Variants in LARGE1 observed in about 807,000 individuals in gnomAD.
The protein encoded by LARGE1 is xylosyl- and glucuronyltransferase LARGE1.
In LARGE1, 43 loss-of-function variants were observed where a neutral mutation model predicts 87.6. The ratio of observed to expected loss-of-function variants is 0.49; its 90% CI spans 0.38 to 0.63. The LOEUF is 0.63. LARGE1 is among the 30% of genes least tolerant of loss of function. LARGE1 has a pLI of 0.00. For synonymous variants in LARGE1, 434 were observed against 394.6 expected (o/e 1.10, Z -1.18); for missense variants, 802 against 1,000.2 (o/e 0.80, Z 2.67).
In LARGE1 at chr22:33,803,852, A is replaced by G. The variant is rs529140086; in HGVS notation, c.-82-42294T>C. 1.5e-4 allele frequency among the ~76,000 whole-genome samples: 23 copies of G among 152,212 alleles called. 1 individual carries two copies. Among genetic ancestry groups the G allele is most frequent in the Admixed American group, 2.6e-4 (4 of 15,288 alleles). Reference sequence around the variant, plus strand: ...TTGTAGACTCCCAGAAGGAAAACAGATGTTCAGAATAAACTATATTGTTTG... The same window carrying G: ...TTGTAGACTCCCAGAAGGAAAACAGGTGTTCAGAATAAACTATATTGTTTG... On this transcript the variant is annotated intron_variant, in intron 1 of 14. Transcript: ENST00000397394.
intron 9 of LARGE1, among the ~76,000 whole-genome samples, chr22:33,348,313 T>A (rs1940012772): frequency 8.7e-6 from 1 of 115,178 alleles, no homozygotes. Context: ...TAGGCAGAGA[T>A]CAAGAGTGCT....
At chr22:33,455,784 C>T (rs1442615747) in intron 6 of LARGE1, among the ~76,000 whole-genome samples, 2 of 134,342 alleles carry the variant, frequency 1.5e-5, no homozygotes, top group African/African-American at 5.6e-5. Context: ...AAAAAAATTG[C>T]TATTGGTTTA....
At chr22:33,090,142 T>C in the LARGE1 span, among the ~76,000 whole-genome samples, 2 of 151,942 alleles carry the variant, frequency 1.3e-5, no homozygotes, top group African/African-American at 4.8e-5. Context: ...AAGGCAGAGG[T>C]TGCAGATAGC....
At chr22:33,543,694 A>G (rs183469786) in intron 6 of LARGE1, among the ~76,000 whole-genome samples, 16 of 152,370 alleles carry the variant, frequency 1.1e-4, no homozygotes, top group Admixed American at 5.9e-4. Flanking sequence ...TGCTTCAGGC[A>G]TGGCTGGAAC....
At chr22:33,353,330 T>C (rs1056366947) in intron 9 of LARGE1, among the ~76,000 whole-genome samples, 2 of 152,188 alleles carry the variant, frequency 1.3e-5, no homozygotes, top group African/African-American at 4.8e-5. Context: ...GAAGTTGCTT[T>C]AGAGATTTCT....
intron 5 of LARGE1, among the ~76,000 whole-genome samples, chr22:33,584,122 T>C (rs743731): frequency 1.3e-5 from 2 of 152,054 alleles, no homozygotes; most frequent in Non-Finnish European, 2.9e-5. Flanking sequence ...TCCTTTCTAA[T>C]AGAAAAAGTT....
the LARGE1 span, among the ~76,000 whole-genome samples, chr22:33,089,000 C>T: frequency 6.6e-6 from 1 of 152,196 alleles, no homozygotes; most frequent in Non-Finnish European, 1.5e-5. Context: ...CATGGATGAG[C>T]TTCTGGGAAT....
chr22:33,331,887 C>T (rs1159373452), intron 10 of LARGE1, among the ~76,000 whole-genome samples: 1 of 152,156 alleles, frequency 6.6e-6, no homozygotes, highest in Non-Finnish European at 1.5e-5. Flanking sequence ...TAAATCTCAC[C>T]TCCTCCAGGA....
intron 11 of LARGE1, among the ~76,000 whole-genome samples, chr22:33,263,713 A>G (rs921429777): frequency 1.3e-5 from 2 of 152,238 alleles, no homozygotes; most frequent in African/African-American, 4.8e-5. Context: ...GAGATAATAC[A>G]TGCGTGCTGT....
At chr22:33,106,636 C>T in the LARGE1 span, among the ~76,000 whole-genome samples, 1 of 152,080 alleles carries the variant, frequency 6.6e-6, no homozygotes, top group East Asian at 1.9e-4. Flanking sequence ...GCTGGGATTA[C>T]AGGCATGTGC....
chr22:33,349,091 T>C (rs1348953468), intron 9 of LARGE1, among the ~76,000 whole-genome samples: 1 of 152,172 alleles, frequency 6.6e-6, no homozygotes, highest in African/African-American at 2.4e-5. Context: ...TTTTTCTTTA[T>C]AAATCACCCA....
chr22:33,222,881 C>T (rs1014378334), intron 11 of LARGE1, among the ~76,000 whole-genome samples: 1 of 152,156 alleles, frequency 6.6e-6, no homozygotes, highest in Non-Finnish European at 1.5e-5. Context: ...AGTAATGTTC[C>T]TGGACTTTTT....
At chr22:33,690,087 G>A (rs902719056) in intron 2 of LARGE1, among the ~76,000 whole-genome samples, 3 of 152,276 alleles carry the variant, frequency 2.0e-5, no homozygotes, top group East Asian at 1.9e-4. Flanking sequence ...GGGAAGCTCC[G>A]CAGGGTATGA....
Position 33,642,710 on chromosome 22 carries a change from C to CAAAAAAAAAAAAAAA in LARGE1, c.408+7642_408+7656dup, listed in dbSNP as rs60815644. 1.9e-3 allele frequency among the ~76,000 whole-genome samples: 33 copies of CAAAAAAAAAAAAAAA among 17,356 alleles called. 2 individuals are homozygous for CAAAAAAAAAAAAAAA. Among genetic ancestry groups the CAAAAAAAAAAAAAAA allele is most frequent in the Admixed American group, 2.9e-3 (3 of 1,044 alleles). The allele number at this position is 17,356 out of a possible 152,430, so 11.4% of individuals were successfully genotyped here. On this transcript the variant is annotated intron_variant, in intron 3 of 14. Transcript: ENST00000397394. Reference sequence around the variant, plus strand: ...GAATATTTACCAAGCAAATGGAAAGCAAAAAAAAAAAAAAAAAAAAAAAAA... The same window carrying CAAAAAAAAAAAAAAA: ...GAATATTTACCAAGCAAATGGAAAGCAAAAAAAAAAAAAAAAAAAAAAAAAAAAAAAAAAAAAAAA...
intron 11 of LARGE1, among the ~76,000 whole-genome samples, chr22:33,193,878 A>ATTATAT (rs1375071228): frequency 7.0e-6 from 1 of 143,360 alleles, no homozygotes; most frequent in African/African-American, 2.5e-5. Flanking sequence ...TATTATATAT[A>ATTATAT]ATGTTTTATA....
chr22:33,184,004 T>A (rs1338462989), intron 11 of LARGE1, among the ~76,000 whole-genome samples: 2 of 150,392 alleles, frequency 1.3e-5, no homozygotes, highest in Non-Finnish European at 3.0e-5. Flanking sequence ...ATTTTAAGTG[T>A]CCTCACCAAC....
intron 3 of LARGE1, among the ~76,000 whole-genome samples, chr22:33,626,769 C>T (rs1364011678): frequency 6.6e-6 from 1 of 152,136 alleles, no homozygotes; most frequent in Admixed American, 6.5e-5. Flanking sequence ...TTAGGGTCAA[C>T]CTAATAAAAG....
intron 2 of LARGE1, among the ~76,000 whole-genome samples, chr22:33,683,072 A>G (rs771206356): frequency 1.3e-5 from 2 of 152,264 alleles, no homozygotes; most frequent in Non-Finnish European, 2.9e-5. Flanking sequence ...TTATAACACC[A>G]TAAGATATAC....
At chr22:33,544,935 G>C (rs1351249655) in intron 6 of LARGE1, among the ~76,000 whole-genome samples, 1 of 152,142 alleles carries the variant, frequency 6.6e-6, no homozygotes, top group East Asian at 1.9e-4. Flanking sequence ...AAACAAGCAA[G>C]GAGAGATATG....
Sources: allele counts gnomAD v4.1 joint callset (sites outside exome capture counted in the v4.1 genomes callset), GRCh38; gene constraint gnomAD v4.1.1; transcripts MANE v1.5; gene names NCBI Gene and HGNC (gene_info 2026-07-23, HGNC 2026-07-21).